KYAT3: variants seen among roughly 807,000 people sequenced by gnomAD.
The protein encoded by KYAT3 is kynurenine aminotransferase 3.
In KYAT3, 50 loss-of-function variants were observed where a neutral mutation model predicts 59.0. That is an observed-to-expected ratio of 0.85 (90% CI 0.68 to 1.07). The LOEUF (loss-of-function observed/expected upper bound fraction) is 1.07. Ranked by LOEUF, KYAT3 falls within the 50% of genes least tolerant of loss-of-function variation. The probability of loss-of-function intolerance (pLI) is 0.00; values close to 1 mark genes in which losing one functional copy is unlikely to be tolerated. For synonymous variants in KYAT3, 148 were observed against 177.0 expected, an observed-to-expected ratio of 0.84 and a Z score of 1.30; for missense variants, 497 against 533.3, an observed-to-expected ratio of 0.93 and a Z score of 0.67.
intron 6 of KYAT3, 39 bp downstream of exon 6, chr1:88,962,020 C>G (rs1221772669): frequency 7.0e-7 from 1 of 1,433,074 alleles, no homozygotes; most frequent in Non-Finnish European, 9.9e-7. Context: ...CTTCTTAAGT[C>G]TTGAAACTTT....
intron 5 of KYAT3, among the ~76,000 whole-genome samples, chr1:88,964,152 A>C (rs1202494114): frequency 6.6e-6 from 1 of 152,230 alleles, no homozygotes; most frequent in Non-Finnish European, 1.5e-5. Context: ...GCAGTGACCA[A>C]GATCGTGCCA....
At chr1:88,946,662 C>T (rs1360395243) in intron 11 of KYAT3, among the ~76,000 whole-genome samples, 3 of 149,584 alleles carry the variant, frequency 2.0e-5, no homozygotes, top group East Asian at 3.9e-4. Flanking sequence ...GACAACTGTG[C>T]TAATTTTTTT....
intron 1 of KYAT3, among the ~76,000 whole-genome samples, chr1:88,990,283 A>C (rs115176987): frequency 7.7e-6 from 1 of 129,256 alleles, no homozygotes; most frequent in East Asian, 2.0e-4. Flanking sequence ...AACATAAAAA[A>C]CAAACAAAAA....
Position 88,983,246 on chromosome 1 carries a change from G to A in KYAT3, c.99+5006C>T, listed in dbSNP as rs762631529. 2.5e-6 allele frequency: 4 copies of A among 1,613,480 alleles called. No homozygotes were observed. In the South Asian group the frequency reaches 3.3e-5, roughly 13 times the overall value. On this transcript the variant is annotated intron_variant, in intron 2 of 13. Coordinates refer to ENST00000260508, the MANE Select transcript of KYAT3 (RefSeq NM_001008661.3). ...ACGAGAGGGGAGCGGTTCCCTTCGAGGTGGACCTCCATAACTATCTCTTCC... is the reference window on the plus strand; with the variant it reads ...ACGAGAGGGGAGCGGTTCCCTTCGAAGTGGACCTCCATAACTATCTCTTCC...
downstream of KYAT3, among the ~76,000 whole-genome samples, chr1:88,934,272 T>C (rs1307735719): frequency 6.6e-6 from 1 of 152,076 alleles, no homozygotes; most frequent in Non-Finnish European, 1.5e-5. Flanking sequence ...CTGGCCAACA[T>C]GGTGAAACCT....
intron 13 of KYAT3, among the ~76,000 whole-genome samples, chr1:88,937,277 C>G (rs12729558): frequency 0.47 from 71,645 of 151,862 alleles, 17,005 homozygotes; most frequent in Admixed American, 0.51. Context: ...AAGCCCAGGT[C>G]GGGTGAAGAT....
At chr1:88,972,534 G>C (rs1235459963) in intron 2 of KYAT3, among the ~76,000 whole-genome samples, 3 of 152,152 alleles carry the variant, frequency 2.0e-5, no homozygotes, top group Non-Finnish European at 4.4e-5. Flanking sequence ...GTTCGTTTAT[G>C]CTTCAGTGAT....
rs7546408 is a variant in KYAT3, at chr1:88,969,705, G to T, written c.100-238C>A. Among the ~76,000 whole-genome samples, 143 of 151,788 alleles carry T rather than the reference G, an allele frequency of 9.4e-4. 1 individual carries two copies. Among genetic ancestry groups the T allele is most frequent in the African/African-American group, 3.2e-3 (134 of 41,310 alleles). On this transcript the variant is annotated intron_variant, in intron 2 of 13. Coordinates refer to ENST00000260508, the MANE Select transcript of KYAT3 (RefSeq NM_001008661.3). ...TGCCCAGGCTGGAATGCAGTGGTGT[G>T]ATCATGGCTCACTGCAGCTTCAACT...
In KYAT3 at chr1:88,990,485, A is replaced by C. The variant is rs181196497; in HGVS notation, c.-2+2100T>G. ...ATCCAGTGGACATTTTGCAATTCTC[A>C]CTTTCCTAGAGCTCTCTGCAGCTTT... On this transcript the variant is annotated intron_variant, in intron 1 of 13. Coordinates refer to ENST00000260508, the MANE Select transcript of KYAT3 (RefSeq NM_001008661.3). Among the ~76,000 whole-genome samples, 25 of 152,190 alleles carry C rather than the reference A, an allele frequency of 1.6e-4. 1 individual carries two copies. The highest frequency in any genetic ancestry group is 6.0e-4 in the African/African-American group (25 of 41,504).
chr1:88,984,204 C>CTTTT (rs908183722), intron 2 of KYAT3: 4,303 of 81,740 alleles, frequency 0.053, 683 homozygotes, highest in Non-Finnish European at 0.086. Context: ...TTTTTTGTTG[C>CTTTT]TTTTTTTTTT....
chr1:88,968,762 C>CTT lies in KYAT3; in HGVS notation c.209_210dup (p.Gly71LysfsTer12). ...GTAGGAGGGGATATATCTGGAAAGC[C>CTT]TTGGCCAAGATTCACAACAGAAGGG... On this transcript the variant is annotated frameshift_variant, in exon 4 of 14. Transcript: ENST00000260508. LOFTEE classifies it high-confidence loss of function. 1 of 1,597,012 alleles carries CTT rather than the reference C, an allele frequency of 6.3e-7. No individual in the cohort carries two copies. The highest frequency in any genetic ancestry group is 8.5e-7 in the Non-Finnish European group (1 of 1,175,492).
Position 88,961,521 on chromosome 1 carries a change from T to C in KYAT3, c.541-15A>G, listed in dbSNP as rs759338397. 10 of 1,601,494 alleles carry C rather than the reference T, an allele frequency of 6.2e-6. No homozygotes were observed. In the South Asian group the frequency reaches 1.1e-4, roughly 18 times the overall value. Reference sequence around the variant, plus strand: ...TAAACAGGTTTCTAAGCATGAAGAATGAAGATATAATTTAATTCAATTAAG... The same window carrying C: ...TAAACAGGTTTCTAAGCATGAAGAACGAAGATATAATTTAATTCAATTAAG... On this transcript the variant is annotated splice_polypyrimidine_tract_variant and intron_variant, in intron 6 of 13. Coordinates refer to ENST00000260508, the MANE Select transcript of KYAT3 (RefSeq NM_001008661.3).
intron 9 of KYAT3, among the ~76,000 whole-genome samples, chr1:88,953,587 A>G (rs567423989): frequency 6.6e-6 from 1 of 151,798 alleles, no homozygotes; most frequent in South Asian, 2.1e-4. Context: ...TGAAAGTAGT[A>G]CAGTATTAGT....
intron 10 of KYAT3, among the ~76,000 whole-genome samples, chr1:88,952,732 C>T (rs1339402739): frequency 1.3e-5 from 2 of 152,204 alleles, no homozygotes; most frequent in Non-Finnish European, 2.9e-5. Context: ...GACTAAAACA[C>T]AACTTTAGGG....
At chr1:88,982,295 T>A (rs10754258) in intron 2 of KYAT3, 333,036 of 661,702 alleles carry the variant, frequency 0.5, 84,047 homozygotes, top group Non-Finnish European at 0.53. Flanking sequence ...TCCATTTTAG[T>A]TGGCTAGATG....
At chr1:88,946,753 A>C (rs1312620749) in intron 11 of KYAT3, among the ~76,000 whole-genome samples, 1 of 152,224 alleles carries the variant, frequency 6.6e-6, no homozygotes, top group African/African-American at 2.4e-5. Flanking sequence ...AGAACACCTT[A>C]AGAGGTTCTA....
chr1:88,961,442 CT>C lies in KYAT3; in HGVS notation c.604del (p.Ser202ValfsTer12). On this transcript the variant is annotated frameshift_variant, in exon 7 of 14. Transcript: ENST00000260508. LOFTEE classifies it high-confidence loss of function. ...DWTLDPQELESKFNSKTKAII... is the reference protein window; with the variant it reads ...DWTLDPQELEXKFNSKTKAII... ...AGCTTTGGTTTTGGAATTAAATTTACTTTCCAGTTCTTGAGGATCTAATGTC... is the reference window on the plus strand; with the variant it reads ...AGCTTTGGTTTTGGAATTAAATTTACTTCCAGTTCTTGAGGATCTAATGTC... The C allele has an allele frequency of 6.2e-7, 1 of 1,613,766 alleles. No individual in the cohort carries two copies. Among genetic ancestry groups the C allele is most frequent in the South Asian group, 1.1e-5 (1 of 91,074 alleles).
the KYAT3 span, among the ~76,000 whole-genome samples, chr1:88,929,879 G>A: frequency 2.8e-4 from 43 of 152,252 alleles, no homozygotes; most frequent in African/African-American, 1.0e-3. Context: ...TCCCAGGTAC[G>A]GCGAAATAGC....
intron 2 of KYAT3, among the ~76,000 whole-genome samples, chr1:88,972,243 G>A (rs1676581309): frequency 1.3e-5 from 2 of 152,058 alleles, no homozygotes; most frequent in African/African-American, 4.8e-5. Flanking sequence ...ACTGAATGAG[G>A]CCCACCCATA....
Sources: gnomAD v4.1 joint callset for allele counts (sites outside exome capture counted in the v4.1 genomes callset) on GRCh38, gnomAD v4.1.1 for gene constraint, MANE v1.5 for transcripts, NCBI Gene and HGNC (gene_info 2026-07-23, HGNC 2026-07-21) for gene names.